TSPAN4: variants seen among roughly 807,000 people sequenced by gnomAD.
TSPAN4 encodes tetraspanin-4.
In TSPAN4, 38 loss-of-function variants were observed where a neutral mutation model predicts 31.5. The ratio of observed to expected loss-of-function variants is 1.21; its 90% CI spans 0.93 to 1.58. TSPAN4 has a LOEUF of 1.58. Among genes scored for constraint, TSPAN4 ranks in the 40% most tolerant of loss-of-function variants. The pLI is 0.00. For missense variants in TSPAN4, 330 were observed against 317.3 expected, an observed-to-expected ratio of 1.04 and a Z score of -0.30; for synonymous variants, 186 against 144.6, an observed-to-expected ratio of 1.29 and a Z score of -2.06.
At chr11:861,340 C>T (rs936736995) in intron 3 of TSPAN4, among the ~76,000 whole-genome samples, 3 of 152,170 alleles carry the variant, frequency 2.0e-5, no homozygotes, top group Non-Finnish European at 2.9e-5. Context: ...CTTGGCCGGG[C>T]GCGGTGGCTC....
At chr11:844,792 A>G (rs1260873886) in intron 1 of TSPAN4, among the ~76,000 whole-genome samples, 3 of 151,706 alleles carry the variant, frequency 2.0e-5, no homozygotes, top group Non-Finnish European at 4.4e-5. Flanking sequence ...TGGTCAGGGC[A>G]GGGCACAGGG....
chr11:866,810 G>C lies in TSPAN4; in HGVS notation c.*180G>C. 1.6e-6 allele frequency: 1 copy of C among 641,838 alleles called. No homozygotes were observed. Among genetic ancestry groups the C allele is most frequent in the Admixed American group, 3.4e-5 (1 of 29,674 alleles). The allele number at this position is 641,838 out of a possible 1,614,324, so 39.8% of individuals were successfully genotyped here. On this transcript the variant is annotated 3_prime_UTR_variant, in exon 9 of 9. Coordinates refer to ENST00000397397, the MANE Select transcript of TSPAN4 (RefSeq NM_003271.5). ...GAAGGCCCTAGCTCAGGTGGCTTCA[G>C]GGCCTCCGGACCCCCCCTGGGAGGG...
chr11:854,703 C>T (rs1847952224), intron 3 of TSPAN4, among the ~76,000 whole-genome samples: 1 of 148,856 alleles, frequency 6.7e-6, no homozygotes, highest in African/African-American at 2.5e-5. Context: ...GAGGCCTCTG[C>T]TCTAAGATCA....
intron 3 of TSPAN4, among the ~76,000 whole-genome samples, chr11:858,871 C>G (rs1355848664): frequency 4.3e-5 from 6 of 139,356 alleles, no homozygotes. Flanking sequence ...CCCCCGGCTC[C>G]CATGCACCCC....
intron 3 of TSPAN4, among the ~76,000 whole-genome samples, chr11:860,981 G>A (rs1848423554): frequency 6.6e-6 from 1 of 152,098 alleles, no homozygotes; most frequent in African/African-American, 2.4e-5. Context: ...AGCATTTTCG[G>A]GGGACTGCTT....
rs764747169 is a variant in TSPAN4, at chr11:865,904, A to ATCCC, written c.565-8_565-5dup. 4.3e-6 allele frequency: 7 copies of ATCCC among 1,612,990 alleles called. No individual in the cohort carries two copies. The African/African-American group carries it at 9.3e-5, about 22-fold the overall frequency. On this transcript the variant is annotated splice_polypyrimidine_tract_variant and intron_variant, in intron 7 of 8. Coordinates refer to ENST00000397397, the MANE Select transcript of TSPAN4 (RefSeq NM_003271.5). The stretch of plus-strand genomic sequence containing the variant: ...CAGGCCCTGCCGTGACACGCATGAC[A>ATCCC]TCCCTCCCTGCAGCCGTGCTACGAG...
At position 865,904 on chromosome 11, in the gene TSPAN4, A is replaced by C. The variant is rs911417133; in HGVS notation, c.565-14A>C. 2 of 1,612,872 alleles carry C rather than the reference A, an allele frequency of 1.2e-6. No homozygotes were observed. The highest frequency in any genetic ancestry group is 2.7e-5 in the African/African-American group (2 of 74,874). On this transcript the variant is annotated splice_polypyrimidine_tract_variant and intron_variant, in intron 7 of 8. Coordinates refer to ENST00000397397, the MANE Select transcript of TSPAN4 (RefSeq NM_003271.5). ...CAGGCCCTGCCGTGACACGCATGAC[A>C]TCCCTCCCTGCAGCCGTGCTACGAG...
chr11:845,847 TGTCTCCA>T (rs1847291617), intron 1 of TSPAN4, among the ~76,000 whole-genome samples: 1 of 152,008 alleles, frequency 6.6e-6, no homozygotes, highest in South Asian at 2.1e-4. Flanking sequence ...ATCAGAGTGG[TGTCTCCA>T]GCCTCCAGGG....
intron 3 of TSPAN4, among the ~76,000 whole-genome samples, chr11:861,109 G>A (rs1291381399): frequency 1.3e-5 from 2 of 152,178 alleles, no homozygotes; most frequent in Admixed American, 6.5e-5. Context: ...GCCTTGCTGG[G>A]CCAGCAGCCT....
chr11:849,199 C>T (rs1410901100), intron 2 of TSPAN4, among the ~76,000 whole-genome samples: 1 of 152,052 alleles, frequency 6.6e-6, no homozygotes, highest in African/African-American at 2.4e-5. Flanking sequence ...CTGCCAGCCT[C>T]CTGCGGGGCT....
At chr11:856,297 GC>G (rs1848040737) in intron 3 of TSPAN4, among the ~76,000 whole-genome samples, 1 of 152,168 alleles carries the variant, frequency 6.6e-6, no homozygotes, top group Non-Finnish European at 1.5e-5. Context: ...GATGGACTGA[GC>G]CTGGGGCCTG....
At chr11:866,096 C>T in intron 8 of TSPAN4, 95 bp downstream of exon 8, 1 of 1,383,414 alleles carries the variant, frequency 7.2e-7, no homozygotes, top group Non-Finnish European at 1.0e-6. Flanking sequence ...CCCCAGGAAC[C>T]CACGATCGGG....
chr11:855,415 C>T (rs1333199509), intron 3 of TSPAN4, among the ~76,000 whole-genome samples: 1 of 152,234 alleles, frequency 6.6e-6, no homozygotes, highest in Non-Finnish European at 1.5e-5. Flanking sequence ...CCCACAGCCC[C>T]GCTGGGTCAC....
At chr11:845,641 G>A (rs565268096) in intron 1 of TSPAN4, among the ~76,000 whole-genome samples, 26 of 152,232 alleles carry the variant, frequency 1.7e-4, no homozygotes, top group African/African-American at 4.8e-4. Context: ...TGGAGCCTGG[G>A]GGGTGTGGGA....
At chr11:845,902 C>G (rs893241544) in intron 1 of TSPAN4, among the ~76,000 whole-genome samples, 1 of 152,104 alleles carries the variant, frequency 6.6e-6, no homozygotes, top group Non-Finnish European at 1.5e-5. Flanking sequence ...CCCACCCAGA[C>G]TCTGTATGTA....
intron 3 of TSPAN4, among the ~76,000 whole-genome samples, chr11:852,964 C>CAGTG: frequency 6.6e-6 from 1 of 152,164 alleles, no homozygotes; most frequent in East Asian, 1.9e-4. Flanking sequence ...AGTGGGCAGC[C>CAGTG]AGTGACCAGA....
At position 865,522 on chromosome 11, in the gene TSPAN4, T is replaced by A; in HGVS notation, c.340T>A (p.Tyr114Asn). The A allele has an allele frequency of 6.2e-7, 1 of 1,610,404 alleles. No individual in the cohort carries two copies. The highest frequency in any genetic ancestry group is 8.5e-7 in the Non-Finnish European group (1 of 1,179,416). Reference protein sequence around the residue: ...FFAYTDKIDRYAQQDLKKGLH... With the variant: ...FFAYTDKIDRNAQQDLKKGLH... ...CCCCCCGCACCCCCAGATTGACAGG[T>A]ATGCCCAGCAAGACCTGAAGAAAGG... The change falls in exon 6 of 9, where the codon TAT becomes AAT. Residue 114 changes from tyrosine to asparagine, a missense_variant. Coordinates refer to ENST00000397397, the MANE Select transcript of TSPAN4 (RefSeq NM_003271.5).
intron 8 of TSPAN4, 32 bp downstream of exon 8, chr11:866,033 C>T (rs1486754555): frequency 6.2e-7 from 1 of 1,606,896 alleles, no homozygotes; most frequent in Non-Finnish European, 8.5e-7. Flanking sequence ...GCTCCCTGCC[C>T]CCACTTTGTT....
intron 5 of TSPAN4, 48 bp downstream of exon 5, chr11:864,559 T>G: frequency 1.2e-6 from 2 of 1,604,130 alleles, no homozygotes; most frequent in South Asian, 2.2e-5. Context: ...GGGGGCTCCA[T>G]CCTCACTCCC....
Sources: gnomAD v4.1 joint callset for allele counts (sites outside exome capture counted in the v4.1 genomes callset) on GRCh38, gnomAD v4.1.1 for gene constraint, MANE v1.5 for transcripts, NCBI Gene and HGNC (gene_info 2026-07-23, HGNC 2026-07-21) for gene names.